The following PDE1C variants were observed in gnomAD, a reference collection of about 807,000 sequenced individuals.
PDE1C encodes phosphodiesterase 1C, also known as dual specificity calcium/calmodulin-dependent 3',5'-cyclic nucleotide phosphodiesterase 1C.
In PDE1C, 62 loss-of-function variants were observed where a neutral mutation model predicts 93.1. The observed-to-expected ratio is 0.67, with a 90% CI of 0.54 to 0.82. PDE1C has a LOEUF of 0.82. PDE1C is among the 40% of genes least tolerant of loss of function. PDE1C has a pLI of 0.00. For missense variants in PDE1C, 742 were observed against 884.6 expected (o/e 0.84, Z 2.04); for synonymous variants, 325 against 310.1 (o/e 1.05, Z -0.50).
intron 2 of PDE1C, among the ~76,000 whole-genome samples, chr7:32,009,446 A>G (rs536646217): frequency 1.3e-5 from 2 of 152,388 alleles, no homozygotes; most frequent in South Asian, 4.1e-4. Flanking sequence ...GAACGCATGC[A>G]TATGAGAAAG....
the PDE1C span, chr7:31,707,431 A>G: frequency 1.6e-6 from 1 of 618,096 alleles, no homozygotes; most frequent in Non-Finnish European, 2.8e-6. Context: ...GTATGCCATC[A>G]AATTGCCAGT....
chr7:32,046,562 G>T (rs1283433885), intron 2 of PDE1C, among the ~76,000 whole-genome samples: 2 of 151,986 alleles, frequency 1.3e-5, no homozygotes, highest in East Asian at 1.9e-4. Flanking sequence ...TACATATCTT[G>T]TTATTTCCAG....
chr7:31,759,725 A>C (rs1794709851), intron 17 of PDE1C, among the ~76,000 whole-genome samples: 1 of 152,146 alleles, frequency 6.6e-6, no homozygotes, highest in African/African-American at 2.4e-5. Flanking sequence ...TCCATGTTTG[A>C]TTTTCATAAA....
chr7:31,892,598 T>C (rs975556491), intron 2 of PDE1C, among the ~76,000 whole-genome samples: 2 of 152,204 alleles, frequency 1.3e-5, no homozygotes, highest in African/African-American at 2.4e-5. Flanking sequence ...GAAGGGGTTG[T>C]AAAGAATGAA....
intron 2 of PDE1C, among the ~76,000 whole-genome samples, chr7:31,898,136 G>A (rs765232762): frequency 4.0e-5 from 6 of 151,570 alleles, no homozygotes; most frequent in Non-Finnish European, 5.9e-5. Flanking sequence ...ATTGAAATAA[G>A]TATTTCACAA....
In PDE1C at chr7:31,782,317, C is replaced by T. The variant is rs1016440076; in HGVS notation, c.1892-6585G>A. ...GCCTTAACTGTGTAAAAATGCATAGCGAAAGATCATAAGAAAATAAAGTAT... is the reference window on the plus strand; with the variant it reads ...GCCTTAACTGTGTAAAAATGCATAGTGAAAGATCATAAGAAAATAAAGTAT... On this transcript the variant is annotated intron_variant, in intron 16 of 17. Coordinates refer to ENST00000396191, the MANE Select transcript of PDE1C (RefSeq NM_001191057.4). Among the ~76,000 whole-genome samples, 11 of 151,884 alleles carry T rather than the reference C, an allele frequency of 7.2e-5. No homozygotes were observed. The East Asian group carries it at 1.5e-3, about 21-fold the overall frequency.
the PDE1C span, among the ~76,000 whole-genome samples, chr7:31,683,880 C>G: frequency 6.6e-6 from 1 of 152,144 alleles, no homozygotes; most frequent in East Asian, 1.9e-4. Flanking sequence ...GAAATATATT[C>G]ATTTAAAGCT....
chr7:31,714,836 C>A, the PDE1C span, among the ~76,000 whole-genome samples: 8 of 152,258 alleles, frequency 5.3e-5, no homozygotes, highest in African/African-American at 1.9e-4. Context: ...CAGGTCCCTC[C>A]CACAACACGT....
chr7:32,205,751 C>T (rs1562576919), intron 2 of PDE1C, among the ~76,000 whole-genome samples: 1 of 152,144 alleles, frequency 6.6e-6, no homozygotes. Flanking sequence ...CTCCTGAAGC[C>T]AGCGAGACCA....
At chr7:31,705,986 ATTTTTTTTTTTTTTTTTTTT>A in the PDE1C span, among the ~76,000 whole-genome samples, 12 of 52,514 alleles carry the variant, frequency 2.3e-4, 1 homozygote, top group Middle Eastern at 0.041. Flanking sequence ...CAGACCAGTA[ATTTTTTTTTTTTTTTTTTTT>A]TTTTTTTTTT....
At chr7:32,405,415 C>A (rs528637193) in intron 1 of PDE1C, among the ~76,000 whole-genome samples, 1 of 152,124 alleles carries the variant, frequency 6.6e-6, no homozygotes, top group Non-Finnish European at 1.5e-5. Context: ...CCACGCCTGG[C>A]TAATTTTGTA....
At chr7:32,082,309 G>A (rs1420033751) in intron 3 of PDE1C, among the ~76,000 whole-genome samples, 2 of 152,228 alleles carry the variant, frequency 1.3e-5, no homozygotes, top group African/African-American at 4.8e-5. Context: ...GAGGCTGGGG[G>A]AGGGGCGCCC....
intron 2 of PDE1C, among the ~76,000 whole-genome samples, chr7:32,172,869 G>A (rs1562546539): frequency 1.4e-5 from 2 of 146,050 alleles, no homozygotes; most frequent in Non-Finnish European, 3.0e-5. Context: ...AGATTCTGGC[G>A]AGGCTGTGGA....
chr7:31,737,115 T>C, the PDE1C span, among the ~76,000 whole-genome samples: 1 of 152,244 alleles, frequency 6.6e-6, no homozygotes, highest in Non-Finnish European at 1.5e-5. Flanking sequence ...CACACCAGGC[T>C]AATTTTATTT....
chr7:32,254,521 C>A (rs1246059326), intron 1 of PDE1C, among the ~76,000 whole-genome samples: 1 of 152,208 alleles, frequency 6.6e-6, no homozygotes, highest in South Asian at 2.1e-4. Flanking sequence ...TCTTCCTTCA[C>A]TGATGTCATC....
At chr7:32,396,806 CA>C (rs1784847750) in intron 1 of PDE1C, among the ~76,000 whole-genome samples, 1 of 152,076 alleles carries the variant, frequency 6.6e-6, no homozygotes, top group South Asian at 2.1e-4. Context: ...ATGTAATGAA[CA>C]AACTGCAAAA....
chr7:32,345,516 A>G (rs56756373), intron 1 of PDE1C, among the ~76,000 whole-genome samples: 2,680 of 152,324 alleles, frequency 0.018, 96 homozygotes, highest in African/African-American at 0.062. Context: ...CTTCACTAAA[A>G]TTAAAAACTC....
intron 2 of PDE1C, among the ~76,000 whole-genome samples, chr7:31,895,319 G>C (rs1314860781): frequency 6.6e-6 from 1 of 152,082 alleles, no homozygotes; most frequent in African/African-American, 2.4e-5. Context: ...ACAAGCTGGT[G>C]GGGAGAAAGG....
chr7:31,829,892 C>T (rs1400007977), intron 11 of PDE1C, among the ~76,000 whole-genome samples: 1 of 151,238 alleles, frequency 6.6e-6, no homozygotes, highest in Non-Finnish European at 1.5e-5. Flanking sequence ...GATAGTTCAG[C>T]TAAAACAAAC....
Sources: gnomAD v4.1 joint callset for allele counts (sites outside exome capture counted in the v4.1 genomes callset) on GRCh38, gnomAD v4.1.1 for gene constraint, MANE v1.5 for transcripts, NCBI Gene and HGNC (gene_info 2026-07-23, HGNC 2026-07-21) for gene names.